The following PTPRN2 variants were observed in gnomAD, a reference collection of about 807,000 sequenced individuals.
PTPRN2 encodes protein tyrosine phosphatase receptor type N2.
A neutral mutation model predicts 118.8 loss-of-function variants in PTPRN2; 74 were observed. That is an observed-to-expected ratio of 0.62 (90% CI 0.52 to 0.76). PTPRN2 has a LOEUF of 0.76. Among genes scored for constraint, PTPRN2 ranks in the 30% least tolerant of loss-of-function variants. The probability of loss-of-function intolerance (pLI) is 0.00; values close to 1 mark genes in which losing one functional copy is unlikely to be tolerated. For missense variants in PTPRN2, 1,481 were observed against 1,394.4 expected, an observed-to-expected ratio of 1.06 and a Z score of -0.99; for synonymous variants, 641 against 608.0, an observed-to-expected ratio of 1.05 and a Z score of -0.80.
At chr7:157,621,825 G>T (rs926772483) in intron 14 of PTPRN2, among the ~76,000 whole-genome samples, 3 of 152,132 alleles carry the variant, frequency 2.0e-5, no homozygotes, top group Admixed American at 1.3e-4. Context: ...CTCAGACCAA[G>T]CTCTCGGTGG....
intron 11 of PTPRN2, among the ~76,000 whole-genome samples, chr7:157,997,150 G>A (rs963766025): frequency 2.0e-5 from 3 of 152,244 alleles, no homozygotes; most frequent in African/African-American, 7.2e-5. Context: ...TGGGGCCTGG[G>A]TCATGCCTGC....
intron 12 of PTPRN2, among the ~76,000 whole-genome samples, chr7:157,791,023 T>C (rs931411148): frequency 6.6e-6 from 1 of 152,208 alleles, no homozygotes; most frequent in African/African-American, 2.4e-5. Flanking sequence ...GGAAAGTAAT[T>C]TGGCAATAAA....
chr7:158,337,134 T>C (rs377555216), intron 2 of PTPRN2, among the ~76,000 whole-genome samples: 104 of 129,884 alleles, frequency 8.0e-4, no homozygotes, highest in Middle Eastern at 0.012. Context: ...AGAGGTCACT[T>C]ACAGCCATAC....
intron 12 of PTPRN2, among the ~76,000 whole-genome samples, chr7:157,832,217 G>A (rs940124598): frequency 2.0e-5 from 3 of 152,214 alleles, no homozygotes; most frequent in African/African-American, 7.2e-5. Flanking sequence ...CACCAGGCTC[G>A]ATGCTGCATC....
At chr7:158,335,644 T>C (rs1805409525) in intron 2 of PTPRN2, among the ~76,000 whole-genome samples, 1 of 12,924 alleles carries the variant, frequency 7.7e-5, no homozygotes, top group Non-Finnish European at 2.1e-4. Context: ...GTCACTCACG[T>C]ACACACTTCT....
At chr7:157,996,095 C>T (rs1225251327) in intron 11 of PTPRN2, among the ~76,000 whole-genome samples, 1 of 152,142 alleles carries the variant, frequency 6.6e-6, no homozygotes, top group Non-Finnish European at 1.5e-5. Flanking sequence ...GAATACTATT[C>T]AGCCATAAAA....
chr7:157,696,447 A>G (rs1357323054), intron 12 of PTPRN2, among the ~76,000 whole-genome samples: 197 of 110,320 alleles, frequency 1.8e-3, no homozygotes, highest in Middle Eastern at 6.5e-3. Flanking sequence ...ACTGGATCTT[A>G]GTAGAGCCCT....
intron 4 of PTPRN2, among the ~76,000 whole-genome samples, chr7:158,199,772 A>G (rs928925046): frequency 5.3e-5 from 8 of 151,572 alleles, no homozygotes; most frequent in Non-Finnish European, 7.4e-5. Context: ...TATCCAACAA[A>G]TGCTGGCCCA....
intron 2 of PTPRN2, among the ~76,000 whole-genome samples, chr7:158,376,997 A>C (rs1265775084): frequency 7.7e-6 from 1 of 130,406 alleles, no homozygotes; most frequent in Non-Finnish European, 1.6e-5. Flanking sequence ...ACTCTCCCAC[A>C]GCCCTGTCAC....
chr7:158,065,552 C>T (rs1301937663), intron 11 of PTPRN2, among the ~76,000 whole-genome samples: 1 of 152,206 alleles, frequency 6.6e-6, no homozygotes, highest in African/African-American at 2.4e-5. Context: ...AAGACAGTGG[C>T]TGGCGGGGCA....
intron 2 of PTPRN2, among the ~76,000 whole-genome samples, chr7:158,327,293 G>A (rs1000061006): frequency 7.2e-6 from 1 of 138,098 alleles, no homozygotes; most frequent in African/African-American, 2.6e-5. Context: ...GCTCACACAT[G>A]TACACATTCT....
chr7:157,541,256 G>A (rs1049317521), intron 22 of PTPRN2, among the ~76,000 whole-genome samples: 9 of 152,226 alleles, frequency 5.9e-5, no homozygotes, highest in African/African-American at 1.9e-4. Flanking sequence ...TCCTGTCCTC[G>A]GAAGTGTGGT....
intron 2 of PTPRN2, among the ~76,000 whole-genome samples, chr7:158,330,542 C>G (rs1362665419): frequency 9.2e-4 from 51 of 55,466 alleles, no homozygotes; most frequent in African/African-American, 3.2e-3. Flanking sequence ...GAGCTGACAC[C>G]CGCAGACGTC....
At chr7:157,620,145 C>T (rs78006043) in intron 15 of PTPRN2, among the ~76,000 whole-genome samples, 1 of 152,194 alleles carries the variant, frequency 6.6e-6, no homozygotes, top group Non-Finnish European at 1.5e-5. Flanking sequence ...GTATCTACTT[C>T]CCCCTGAAAC....
chr7:158,194,397 G>A (rs1384655954), intron 4 of PTPRN2, among the ~76,000 whole-genome samples: 3 of 152,192 alleles, frequency 2.0e-5, no homozygotes, highest in Admixed American at 6.5e-5. Flanking sequence ...CTTGCTGTCC[G>A]GCTCTGCTGC....
At chr7:157,892,837 C>CCATCA (rs1796881270) in intron 12 of PTPRN2, among the ~76,000 whole-genome samples, 1 of 152,230 alleles carries the variant, frequency 6.6e-6, no homozygotes, top group Non-Finnish European at 1.5e-5. Flanking sequence ...ACAAACCCTT[C>CCATCA]CATCACAGAG....
At chr7:158,474,330 C>T (rs1733130) in intron 2 of PTPRN2, among the ~76,000 whole-genome samples, 105,660 of 152,210 alleles carry the variant, frequency 0.69, 36,905 homozygotes, top group Admixed American at 0.78. Context: ...CACCCCGAGT[C>T]AACTTTTCCC....
At chr7:157,777,634 A>C (rs943650737) in intron 12 of PTPRN2, among the ~76,000 whole-genome samples, 4 of 152,260 alleles carry the variant, frequency 2.6e-5, no homozygotes, top group African/African-American at 9.6e-5. Context: ...CTCCTCTCAC[A>C]CATGTGGATT....
At chr7:158,188,276 ATGGGGAAGGCCGCCACG>A (rs1563576859) in intron 5 of PTPRN2, among the ~76,000 whole-genome samples, 110 of 55,614 alleles carry the variant, frequency 2.0e-3, no homozygotes, top group Middle Eastern at 0.014. Flanking sequence ...CGCCCCCTGT[ATGGGGAAGGCCGCCACG>A]CTCGCCCCCT....
Sources: gnomAD v4.1 joint callset for allele counts (sites outside exome capture counted in the v4.1 genomes callset) on GRCh38, gnomAD v4.1.1 for gene constraint, MANE v1.5 for transcripts, NCBI Gene and HGNC (gene_info 2026-07-23, HGNC 2026-07-21) for gene names.